CD3G: variants seen among roughly 807,000 people sequenced by gnomAD.
The protein encoded by CD3G is CD3 gamma subunit of T-cell receptor complex, also known as T-cell surface glycoprotein CD3 gamma chain.
In CD3G, 24 loss-of-function variants were observed where a neutral mutation model predicts 28.3. The observed-to-expected ratio is 0.85, with a 90% confidence interval of 0.61 to 1.19. The LOEUF is 1.19. CD3G is among the 50% of genes most tolerant of loss of function. CD3G has a pLI of 0.00. For synonymous variants in CD3G, 71 were observed against 75.9 expected (o/e 0.93, Z 0.34); for missense variants, 211 against 210.0 (o/e 1.00, Z -0.03).
intron 4 of CD3G, chr11:118,350,896 A>AAAC (rs1948402826): frequency 8.1e-7 from 1 of 1,231,676 alleles, no homozygotes; most frequent in Non-Finnish European, 1.0e-6. Flanking sequence ...TGTGAAAAAA[A>AAAC]AAAAAAACAA....
Position 118,354,004 on chromosome 11 carries a change from G to A in CD3G, c.*904G>A, listed in dbSNP as rs1948431155. ...AAGATACCATTATATCCTTTTTAAT[G>A]CAACCATATTGTACAAATAGACTAT... On this transcript the variant is annotated 3_prime_UTR_variant, in exon 7 of 7. Coordinates refer to ENST00000532917, the MANE Select transcript of CD3G (RefSeq NM_000073.3). 1 of 152,024 alleles carries A rather than the reference G, an allele frequency of 6.6e-6. No homozygotes were observed. The highest frequency in any genetic ancestry group is 1.5e-5 in the Non-Finnish European group (1 of 68,024). The allele number at this position is 152,024 out of a possible 1,614,324, so 9.4% of individuals were successfully genotyped here.
rs1948435353 is a variant in CD3G at position 118,354,593 on chromosome 11, C to G, written c.*1493C>G. On this transcript the variant is annotated 3_prime_UTR_variant, in exon 7 of 7. Transcript: ENST00000532917. ...AGGCGATCCACCCGCCTTGACCTCC[C>G]AAAGTGCTGGGATTACAGGTGTGAG... 2 of 152,012 alleles carry G rather than the reference C, an allele frequency of 1.3e-5. No individual in the cohort carries two copies. Among genetic ancestry groups the G allele is most frequent in the South Asian group, 4.1e-4 (2 of 4,820 alleles). 9.4% of individuals were successfully genotyped at this position (152,012 alleles called of 1,614,324 possible).
chr11:118,347,717 C>T (rs2134067232), intron 1 of CD3G, among the ~76,000 whole-genome samples: 1 of 152,312 alleles, frequency 6.6e-6, no homozygotes, highest in South Asian at 2.1e-4. Flanking sequence ...CTCCACCTCC[C>T]AGGCTCAACC....
Position 118,350,593 on chromosome 11 carries a change from G to C in CD3G, c.349G>C (p.Gly117Arg). ...CIELNAATIS[G>R]FLFAEIVSIF... ...TGAACTAAATGCAGCCACCATATCT[G>C]GCTTTCTCTTTGCTGAAATCGTCAG... Residue 117 changes from glycine to arginine, a missense_variant, in exon 4 of 7, where the codon GGC becomes CGC. By Grantham distance (125) the Gly-to-Arg change is moderately radical. Transcript: ENST00000532917. 6.2e-7 allele frequency: 1 copy of C among 1,614,062 alleles called. No homozygotes were observed. Among genetic ancestry groups the C allele is most frequent in the South Asian group, 1.1e-5 (1 of 91,082 alleles).
At chr11:118,349,366 C>A in intron 2 of CD3G, 1 of 1,147,904 alleles carries the variant, frequency 8.7e-7, no homozygotes, top group Non-Finnish European at 1.2e-6. Flanking sequence ...TCTGTCAATC[C>A]TTCTCTTTAG....
At chr11:118,350,066 CA>C in intron 3 of CD3G, 96 bp downstream of exon 3, 1 of 890,790 alleles carries the variant, frequency 1.1e-6, no homozygotes, top group East Asian at 2.6e-5. Context: ...AATAGATCCT[CA>C]ACAGTAATAT....
At chr11:118,349,559 G>C in intron 2 of CD3G, 184 bp from the exon 3 acceptor site, 2 of 657,366 alleles carry the variant, frequency 3.0e-6, no homozygotes, top group Non-Finnish European at 5.4e-6. Context: ...GAGCATGTTA[G>C]TAATGCAGAA....
chr11:118,349,266 G>A (rs889378577), intron 2 of CD3G: 2 of 1,468,620 alleles, frequency 1.4e-6, no homozygotes, highest in Non-Finnish European at 1.8e-6. Flanking sequence ...TCTTACAGGA[G>A]AAGCAGGACC....
In CD3G at chr11:118,354,919, G is replaced by C. The variant is rs2134074738; in HGVS notation, c.*1819G>C. 1 of 152,010 alleles carries C rather than the reference G, an allele frequency of 6.6e-6. No individual in the cohort carries two copies. Among genetic ancestry groups the C allele is most frequent in the South Asian group, 2.1e-4 (1 of 4,804 alleles). 9.4% of individuals were successfully genotyped at this position (152,010 alleles called of 1,614,324 possible). ...CAATCTGTGGTTTGTTTTTCTTAAT[G>C]GTGTCTTTTGAAGTGCAAAAGGTTT... On this transcript the variant is annotated 3_prime_UTR_variant, in exon 7 of 7. Transcript: ENST00000532917.
intron 2 of CD3G, chr11:118,349,255 C>A: frequency 2.0e-6 from 3 of 1,487,396 alleles, no homozygotes; most frequent in Non-Finnish European, 2.7e-6. Context: ...TTTAACTGGT[C>A]TCTTACAGGA....
At chr11:118,349,306 G>A in intron 2 of CD3G, 3 of 1,413,480 alleles carry the variant, frequency 2.1e-6, no homozygotes, top group Non-Finnish European at 1.8e-6. Flanking sequence ...CTCAAACTGT[G>A]ACCCATGAAC....
intron 3 of CD3G, 103 bp from the exon 4 acceptor site, chr11:118,350,449 C>T (rs1948396436): frequency 3.5e-6 from 3 of 859,942 alleles, no homozygotes; most frequent in Non-Finnish European, 6.0e-6. Flanking sequence ...AGAGGAAAAG[C>T]CTGCTGCCCT....
chr11:118,349,261 C>G, intron 2 of CD3G: 1 of 1,471,240 alleles, frequency 6.8e-7, no homozygotes, highest in Non-Finnish European at 9.0e-7. Flanking sequence ...TGGTCTCTTA[C>G]AGGAGAAGCA....
In CD3G at chr11:118,349,983, C is replaced by T. The variant is rs201964905; in HGVS notation, c.307+13C>T. On this transcript the variant is annotated intron_variant, in intron 3 of 6. Coordinates refer to ENST00000532917, the MANE Select transcript of CD3G (RefSeq NM_000073.3). ...GTGTATTACAGAAGTATGTAATCCC[C>T]TTTGGTCTGTTTGTTGTGAAATTAA... 1.1e-4 allele frequency: 168 copies of T among 1,597,604 alleles called. No homozygotes were observed. The highest frequency in any genetic ancestry group is 1.7e-4 in the Middle Eastern group (1 of 6,054).
chr11:118,353,315 G>A lies in CD3G; in HGVS notation c.*215G>A, dbSNP rs1416047187. On this transcript the variant is annotated 3_prime_UTR_variant, in exon 7 of 7. Coordinates refer to ENST00000532917, the MANE Select transcript of CD3G (RefSeq NM_000073.3). ...AAAACAAATACTGTGTTTCAGAAGC[G>A]CCACCTATTGGGGAAAATTGTAAAA... 2 of 152,008 alleles carry A rather than the reference G, an allele frequency of 1.3e-5. No individual in the cohort carries two copies. The highest frequency in any genetic ancestry group is 2.4e-5 in the African/African-American group (1 of 41,386). 9.4% of individuals were successfully genotyped at this position (152,008 alleles called of 1,614,324 possible).
At position 118,351,186 on chromosome 11, in the gene CD3G, C is replaced by CAAAA. The variant is rs34109639; in HGVS notation, c.440-425_440-422dup. Among the ~76,000 whole-genome samples the CAAAA allele has an allele frequency of 3.1e-3, 215 of 70,466 alleles. 2 individuals are homozygous for CAAAA. The highest frequency in any genetic ancestry group is 6.3e-3 in the African/African-American group (99 of 15,710). 46.2% of individuals were successfully genotyped at this position (70,466 alleles called of 152,430 possible). ...TGGGCGACAGAGCAAGACTCCGTCT[C>CAAAA]AAAAAAAAAAAAAAAAAAAACTATT... On this transcript the variant is annotated intron_variant, in intron 4 of 6. Coordinates refer to ENST00000532917, the MANE Select transcript of CD3G (RefSeq NM_000073.3).
chr11:118,350,129 A>G, intron 3 of CD3G, 159 bp downstream of exon 3: 1 of 677,700 alleles, frequency 1.5e-6, no homozygotes, highest in Non-Finnish European at 2.6e-6. Context: ...ACTGTAAGAT[A>G]CTTCCCTCAC....
At chr11:118,350,520 A>T in intron 3 of CD3G, 32 bp from the exon 4 acceptor site, 1 of 1,554,604 alleles carries the variant, frequency 6.4e-7, no homozygotes, top group South Asian at 1.1e-5. Context: ...AACTTTCGCA[A>T]CCTGAAGGTT....
intron 1 of CD3G, among the ~76,000 whole-genome samples, chr11:118,347,033 C>T (rs556681503): frequency 6.6e-6 from 1 of 152,186 alleles, no homozygotes; most frequent in South Asian, 2.1e-4. Context: ...AAGTTCCTAC[C>T]ATGTTCCAGA....
Sources: gnomAD v4.1 joint callset for allele counts (sites outside exome capture counted in the v4.1 genomes callset) on GRCh38, gnomAD v4.1.1 for gene constraint, MANE v1.5 for transcripts, NCBI Gene and HGNC (gene_info 2026-07-23, HGNC 2026-07-21) for gene names.